The following TBC1D2B variants were observed in gnomAD, a reference collection of about 807,000 sequenced individuals.
The protein encoded by TBC1D2B is TBC1 domain family, member 2B.
TBC1D2B carries 64 observed loss-of-function variants against 100.8 expected under a neutral mutation model. The observed-to-expected ratio is 0.64, with a 90% CI of 0.52 to 0.78. TBC1D2B has a LOEUF of 0.78. Ranked by LOEUF, TBC1D2B falls within the 30% of genes least tolerant of loss-of-function variation. The probability of loss-of-function intolerance (pLI) is 0.00; values close to 1 mark genes in which losing one functional copy is unlikely to be tolerated. For missense variants in TBC1D2B, 1,052 were observed against 1,218.4 expected (o/e 0.86, Z 2.03); for synonymous variants, 480 against 479.7 (o/e 1.00, Z -0.01).
In TBC1D2B at chr15:77,997,726, A is replaced by G. The variant is rs1197933723; in HGVS notation, c.*434T>C. 6.5e-6 allele frequency: 1 copy of G among 154,188 alleles called. No individual in the cohort carries two copies. Among genetic ancestry groups the G allele is most frequent in the African/African-American group, 2.4e-5 (1 of 41,542 alleles). The allele number at this position is 154,188 out of a possible 1,614,324, so 9.6% of individuals were successfully genotyped here. A position where few individuals can be genotyped will look rare whatever the true frequency, so the allele number is the denominator to read the frequency against. The stretch of plus-strand genomic sequence containing the variant: ...CAACCCTCTGGCCTACAGGTGCCTA[A>G]AGCACAGCTGGCATCCTTTATAGCA... On this transcript the variant is annotated 3_prime_UTR_variant, in exon 13 of 13. Transcript: ENST00000300584.
In TBC1D2B at chr15:78,016,571, C is replaced by A; in HGVS notation, c.1750G>T (p.Ala584Ser). ...CTGACAAGATGAGGTTTAACAAATG[C>A]TTGCTCCGGCTGCTCTTGGCTCTCA... is the stretch of plus-strand genomic sequence containing the variant. ...QVESQEQPEQ[A>S]FVKPHLVSEY... The change falls in exon 8 of 13, where the codon GCA becomes TCA. Residue 584 changes from alanine to serine, a missense_variant. Around this residue, in one of 4 missense-constraint regions of TBC1D2B, gnomAD observed 373 missense variants for 464.9 expected, o/e 0.80. Transcript: ENST00000300584. 1 of 1,612,702 alleles carries A rather than the reference C, an allele frequency of 6.2e-7. No individual in the cohort carries two copies. The highest frequency in any genetic ancestry group is 1.3e-5 in the African/African-American group (1 of 75,014).
At chr15:78,073,655 T>A (rs1416033511) in intron 1 of TBC1D2B, among the ~76,000 whole-genome samples, 1 of 152,134 alleles carries the variant, frequency 6.6e-6, no homozygotes, top group African/African-American at 2.4e-5. Context: ...GAAATAACTG[T>A]ACAATGAAAT....
rs775817727 is a variant in TBC1D2B at position 78,003,350 on chromosome 15, G to A, written c.2529C>T (p.Asp843=). The change falls in exon 11 of 13, where the codon GAC becomes GAT. Residue 843 remains aspartate (D), a synonymous_variant. Transcript: ENST00000300584. ...AAGAGTCCCATATTTTAAAGAGGAT[G>A]TCACTAACGACACTATCCACAAATA... ...LVVFVDSVVS[D]ILFKIWDSFL... The A allele has an allele frequency of 3.1e-6, 5 of 1,613,868 alleles. No homozygotes were observed. Among genetic ancestry groups the A allele is most frequent in the South Asian group, 2.2e-5 (2 of 91,090 alleles).
intron 11 of TBC1D2B, 166 bp downstream of exon 11, chr15:78,003,138 GT>G: frequency 5.1e-6 from 3 of 591,998 alleles, no homozygotes; most frequent in Middle Eastern, 7.2e-4. Flanking sequence ...AATGACTGTG[GT>G]TTCCTGATAC....
chr15:78,065,552 A>T (rs759723990), intron 1 of TBC1D2B, among the ~76,000 whole-genome samples: 77 of 152,348 alleles, frequency 5.1e-4, no homozygotes, highest in Non-Finnish European at 6.2e-4. Flanking sequence ...AAGTGACCAC[A>T]GGGCTACATT....
intron 4 of TBC1D2B, among the ~76,000 whole-genome samples, chr15:78,026,857 C>A (rs140694542): frequency 6.7e-6 from 1 of 149,780 alleles, no homozygotes; most frequent in Non-Finnish European, 1.5e-5. Flanking sequence ...GCCAAGATCA[C>A]GTCATTGCAC....
intron 10 of TBC1D2B, among the ~76,000 whole-genome samples, chr15:78,004,991 T>C (rs2072027680): frequency 6.6e-6 from 1 of 152,228 alleles, no homozygotes; most frequent in Non-Finnish European, 1.5e-5. Context: ...GCAAGGGAGA[T>C]GGACGGCTCA....
At chr15:78,010,420 A>G (rs1290487761) in intron 9 of TBC1D2B, among the ~76,000 whole-genome samples, 2 of 152,188 alleles carry the variant, frequency 1.3e-5, no homozygotes, top group African/African-American at 4.8e-5. Flanking sequence ...GAAGCTTATA[A>G]GCAACACTCA....
At chr15:78,070,232 T>C (rs2073722460) in intron 1 of TBC1D2B, among the ~76,000 whole-genome samples, 2 of 152,004 alleles carry the variant, frequency 1.3e-5, no homozygotes, top group Admixed American at 1.3e-4. Context: ...CCTACAACAC[T>C]TGACTTCCTC....
chr15:78,007,410 T>C (rs2141636774), intron 10 of TBC1D2B, among the ~76,000 whole-genome samples: 1 of 152,212 alleles, frequency 6.6e-6, no homozygotes, highest in South Asian at 2.1e-4. Flanking sequence ...GGGACACAGA[T>C]GTAAGCTTCC....
chr15:77,999,038 C>T, intron 12 of TBC1D2B: 1 of 247,654 alleles, frequency 4.0e-6, no homozygotes. Context: ...AAAAGCTGTC[C>T]TGAGGCCTGG....
chr15:78,029,802 C>G (rs2072762881), intron 4 of TBC1D2B, among the ~76,000 whole-genome samples: 1 of 152,220 alleles, frequency 6.6e-6, no homozygotes, highest in African/African-American at 2.4e-5. Context: ...AAAAACTGAG[C>G]CATTGGACTA....
At chr15:78,003,051 G>A (rs1388810151) in intron 11 of TBC1D2B, 1 of 365,726 alleles carries the variant, frequency 2.7e-6, no homozygotes, top group Admixed American at 3.6e-5. Flanking sequence ...GTGAGGCTCA[G>A]GCTCAAACTG....
chr15:78,028,178 T>C (rs1374880310), intron 4 of TBC1D2B, among the ~76,000 whole-genome samples: 1 of 152,178 alleles, frequency 6.6e-6, no homozygotes, highest in African/African-American at 2.4e-5. Context: ...AATGAATTAA[T>C]AAATCTAGGA....
chr15:78,073,708 A>C (rs1429169777), intron 1 of TBC1D2B, among the ~76,000 whole-genome samples: 3 of 152,156 alleles, frequency 2.0e-5, no homozygotes, highest in Non-Finnish European at 4.4e-5. Flanking sequence ...GCGGTGGCTC[A>C]TATCTGTAAC....
chr15:78,040,929 G>GAGGA (rs1463291265), intron 3 of TBC1D2B, among the ~76,000 whole-genome samples: 2 of 112,928 alleles, frequency 1.8e-5, no homozygotes, highest in East Asian at 6.0e-4. Context: ...GGCAGGGAGG[G>GAGGA]AGGAAGGAAG....
chr15:78,024,464 C>T lies in TBC1D2B; in HGVS notation c.1162G>A (p.Glu388Lys), dbSNP rs768873985. The T allele has an allele frequency of 1.2e-6, 2 of 1,614,028 alleles. No individual in the cohort carries two copies. The highest frequency in any genetic ancestry group is 2.7e-5 in the African/African-American group (2 of 75,044). Residue 388 changes from glutamate to lysine, a missense_variant, in exon 6 of 13, where the codon GAG becomes AAG. Coordinates refer to ENST00000300584, the MANE Select transcript of TBC1D2B (RefSeq NM_144572.2). ...TCGAGCGTGTCCTTTGGGACCCCCT[C>T]ACAGAGCCGGCTGCTTGTGAAATAC... ...DKYFTSSRLCEGVPKDTLELL... is the reference protein window; with the variant it reads ...DKYFTSSRLCKGVPKDTLELL...
intron 1 of TBC1D2B, 133 bp downstream of exon 1, chr15:78,077,160 G>T: frequency 1.7e-6 from 2 of 1,211,136 alleles, no homozygotes; most frequent in Non-Finnish European, 2.2e-6. Context: ...ATGTGGAGAA[G>T]CAGGGAAAGG....
intron 6 of TBC1D2B, among the ~76,000 whole-genome samples, chr15:78,021,848 A>AT (rs139036537): frequency 0.051 from 7,769 of 152,268 alleles, 395 homozygotes; most frequent in African/African-American, 0.12. Context: ...TCCTGTTCTG[A>AT]CAGCGCTGTA....
Sources: allele counts gnomAD v4.1 joint callset (sites outside exome capture counted in the v4.1 genomes callset), GRCh38; gene constraint gnomAD v4.1.1; regional missense constraint gnomAD v4.1.1; transcripts MANE v1.5; gene names NCBI Gene and HGNC (gene_info 2026-07-23, HGNC 2026-07-21).